ASH1L: variants seen among roughly 807,000 people sequenced by gnomAD.
The protein encoded by ASH1L is ASH1 like histone lysine methyltransferase.
A neutral mutation model predicts 269.0 loss-of-function variants in ASH1L; 23 were observed. That is an observed-to-expected ratio of 0.09 (90% CI 0.06 to 0.12). ASH1L has a LOEUF of 0.12. Ranked by LOEUF, ASH1L falls within the 10% of genes least tolerant of loss-of-function variation. The pLI, the probability that ASH1L is intolerant of heterozygous loss-of-function variation, is 1.00. For synonymous variants in ASH1L, 1,187 were observed against 1,253.5 expected (o/e 0.95, Z 1.12); for missense variants, 2,912 against 3,567.8 (o/e 0.82, Z 4.68).
intron 5 of ASH1L, among the ~76,000 whole-genome samples, chr1:155,424,304 T>C (rs1236136818): frequency 2.0e-5 from 3 of 152,176 alleles, no homozygotes; most frequent in Admixed American, 2.0e-4. Context: ...CACTTGGAGA[T>C]GATTAGTGTC....
intron 25 of ASH1L, among the ~76,000 whole-genome samples, 163 bp from the exon 26 acceptor site, chr1:155,339,531 A>G (rs900963908): frequency 3.3e-5 from 5 of 152,194 alleles, no homozygotes; most frequent in African/African-American, 4.8e-5. Context: ...GCAGGCCACA[A>G]TGATTATCAG....
Position 155,337,472 on chromosome 1 carries a change from T to C in ASH1L, c.*188A>G, listed in dbSNP as rs189369643. 3 of 570,356 alleles carry C rather than the reference T, an allele frequency of 5.3e-6. No homozygotes were observed. The highest frequency in any genetic ancestry group is 5.9e-5 in the East Asian group (2 of 33,630). 35.3% of individuals were successfully genotyped at this position (570,356 alleles called of 1,614,324 possible). ...GAAAATTAATTAACCTGAACTGTCT[T>C]GGACAGAACCCTTTCCTCTCCCTCT... is the stretch of plus-strand genomic sequence containing the variant. On this transcript the variant is annotated 3_prime_UTR_variant, in exon 28 of 28. Coordinates refer to ENST00000392403, the MANE Select transcript of ASH1L (RefSeq NM_018489.3).
intron 2 of ASH1L, among the ~76,000 whole-genome samples, chr1:155,484,655 G>A (rs1382418512): frequency 1.3e-5 from 2 of 151,014 alleles, no homozygotes; most frequent in Non-Finnish European, 3.0e-5. Context: ...CCAGCCAGGC[G>A]CAGTGGCTCA....
At chr1:155,377,439 T>C (rs934963730) in intron 10 of ASH1L, among the ~76,000 whole-genome samples, 1 of 152,132 alleles carries the variant, frequency 6.6e-6, no homozygotes, top group Non-Finnish European at 1.5e-5. Context: ...CTGTGCTTAA[T>C]GTTTTATGAG....
At chr1:155,413,310 AAAG>A (rs1377724008) in intron 6 of ASH1L, among the ~76,000 whole-genome samples, 1 of 152,202 alleles carries the variant, frequency 6.6e-6, no homozygotes, top group Non-Finnish European at 1.5e-5. Context: ...ATTTTCTTAC[AAAG>A]AAGGAGCATG....
chr1:155,482,867 GC>G (rs973647950), intron 2 of ASH1L, among the ~76,000 whole-genome samples: 114 of 152,208 alleles, frequency 7.5e-4, no homozygotes, highest in African/African-American at 2.6e-3. Flanking sequence ...ATAGTTTACT[GC>G]CTACCTCCTT....
intron 7 of ASH1L, among the ~76,000 whole-genome samples, chr1:155,390,944 T>A (rs1657878697): frequency 6.7e-6 from 1 of 148,952 alleles, no homozygotes. Flanking sequence ...CCACCACACC[T>A]GCCTGTGTTT....
chr1:155,458,206 A>G (rs1664009172), intron 4 of ASH1L, among the ~76,000 whole-genome samples: 1 of 152,234 alleles, frequency 6.6e-6, no homozygotes, highest in Admixed American at 6.5e-5. Context: ...TGCCAAGCAG[A>G]CAACTGGACT....
intron 12 of ASH1L, among the ~76,000 whole-genome samples, chr1:155,362,320 C>T (rs942396113): frequency 2.0e-5 from 3 of 151,774 alleles, no homozygotes; most frequent in African/African-American, 7.3e-5. Flanking sequence ...AGGCATGAGC[C>T]ACCGTGCTTG....
intron 5 of ASH1L, among the ~76,000 whole-genome samples, chr1:155,437,929 A>G (rs1662229990): frequency 6.6e-6 from 1 of 152,168 alleles, no homozygotes; most frequent in Non-Finnish European, 1.5e-5. Context: ...ATCTTGGCTC[A>G]CTGCAGCCTC....
Position 155,343,735 on chromosome 1 carries a change from A to G in ASH1L, c.7989T>C (p.Cys2663=), listed in dbSNP as rs759780221. The change falls in exon 23 of 28, where the codon TGT becomes TGC. Residue 2663 remains cysteine, a synonymous_variant. Transcript: ENST00000392403. The surrounding 1 kb of genome is among the most constrained non-coding windows in gnomAD (Gnocchi z 6.1). ...RDDLLLRQGD[C]VYLMRDSRRT... is the part of the protein sequence containing the mutation. ...GCCGACTATCCCTCATCAGATACAC[A>G]CAGTCACCTAGGAAGACCCAGAACA... 9.9e-6 allele frequency: 16 copies of G among 1,614,088 alleles called. No individual in the cohort carries two copies. The highest frequency in any genetic ancestry group is 1.3e-5 in the Non-Finnish European group (15 of 1,180,012).
At chr1:155,366,406 T>C (rs186538111) in intron 12 of ASH1L, among the ~76,000 whole-genome samples, 1 of 152,324 alleles carries the variant, frequency 6.6e-6, no homozygotes, top group Non-Finnish European at 1.5e-5. Flanking sequence ...ACCATAAAGA[T>C]GGGCAACCAG....
chr1:155,501,970 T>C (rs955998004), intron 2 of ASH1L, among the ~76,000 whole-genome samples: 1 of 151,964 alleles, frequency 6.6e-6, no homozygotes, highest in Non-Finnish European at 1.5e-5. Context: ...CTAGAGATTG[T>C]TTTAAATAGG....
At chr1:155,483,487 GACAA>G (rs1422126201) in intron 2 of ASH1L, among the ~76,000 whole-genome samples, 6 of 151,972 alleles carry the variant, frequency 3.9e-5, no homozygotes, top group Non-Finnish European at 8.8e-5. Context: ...CAAATGAAAA[GACAA>G]ACAAACCAAT....
In ASH1L at chr1:155,438,323, T is replaced by C; in HGVS notation, c.5828+4A>G. On this transcript the variant is annotated splice_donor_region_variant and intron_variant, in intron 5 of 27. Coordinates refer to ENST00000392403, the MANE Select transcript of ASH1L (RefSeq NM_018489.3). ...CTCAGATAATATGTTAAATGAGGAA[T>C]TACCTTTTATTATTCTCTTGCTCTT... is the stretch of plus-strand genomic sequence containing the variant. The C allele has an allele frequency of 6.5e-7, 1 of 1,538,926 alleles. No individual in the cohort carries two copies. Among genetic ancestry groups the C allele is most frequent in the Non-Finnish European group, 8.7e-7 (1 of 1,148,014 alleles).
At chr1:155,547,201 T>G (rs1438540664) in intron 1 of ASH1L, among the ~76,000 whole-genome samples, 1 of 151,544 alleles carries the variant, frequency 6.6e-6, no homozygotes, top group Non-Finnish European at 1.5e-5. Flanking sequence ...TCTGCCCGCC[T>G]TGGCCTCCCA....
intron 1 of ASH1L, among the ~76,000 whole-genome samples, chr1:155,548,966 T>C (rs968336462): frequency 1.3e-5 from 2 of 152,156 alleles, no homozygotes; most frequent in African/African-American, 4.8e-5. Context: ...CAACCACGGA[T>C]CAAAAATATT....
Position 155,438,495 on chromosome 1 carries a change from T to G in ASH1L, c.5660A>C (p.His1887Pro). The change falls in exon 5 of 28, where the codon CAC (histidine) becomes CCC (proline). Residue 1887 changes from histidine (H) to proline (P), a missense_variant. Physicochemically the swap from His to Pro is moderately conservative, Grantham distance 77 (BLOSUM62 -2). Transcript: ENST00000392403. ...ATCTGTAACTGTGTCAGGACTGAGG[T>G]GCAGTGCTGCTCCTTCCTCGTCTCT... ...LNRDEEGAAL[H>P]LSPDTVTDVI... 1 of 1,613,652 alleles carries G rather than the reference T, an allele frequency of 6.2e-7. No individual in the cohort carries two copies. The highest frequency in any genetic ancestry group is 1.1e-5 in the South Asian group (1 of 90,972).
chr1:155,513,010 C>A (rs918028591), intron 2 of ASH1L, among the ~76,000 whole-genome samples: 1 of 151,570 alleles, frequency 6.6e-6, no homozygotes, highest in African/African-American at 2.4e-5. Context: ...CTACAGTGAG[C>A]CTAATCACAT....
Sources: gnomAD v4.1 joint callset for allele counts (sites outside exome capture counted in the v4.1 genomes callset) on GRCh38, gnomAD v4.1.1 for gene constraint, Gnocchi (gnomAD v3.1) non-coding constraint, MANE v1.5 for transcripts, NCBI Gene and HGNC (gene_info 2026-07-23, HGNC 2026-07-21) for gene names.